Variants in YAP1 observed in about 807,000 individuals in gnomAD.
YAP1 encodes the protein transcriptional coactivator YAP1.
Under a neutral mutation model 56.9 loss-of-function variants are expected in YAP1, and 5 were observed. The observed-to-expected ratio is 0.09, with a 90% CI of 0.05 to 0.18. YAP1 has a LOEUF of 0.18. YAP1 is among the 10% of genes least tolerant of loss of function. YAP1 has a pLI of 1.00. For synonymous variants in YAP1, 265 were observed against 248.1 expected, an observed-to-expected ratio of 1.07 and a Z score of -0.64; for missense variants, 539 against 651.8, an observed-to-expected ratio of 0.83 and a Z score of 1.88.
intron 3 of YAP1, among the ~76,000 whole-genome samples, chr11:102,169,291 A>G (rs1946775401): frequency 6.6e-6 from 1 of 152,242 alleles, no homozygotes; most frequent in Non-Finnish European, 1.5e-5. Context: ...TTAGAATTTA[A>G]TCAGTTTGTA....
At chr11:102,152,943 C>T (rs1317489207) in intron 2 of YAP1, among the ~76,000 whole-genome samples, 4 of 152,126 alleles carry the variant, frequency 2.6e-5, no homozygotes, top group African/African-American at 7.2e-5. Context: ...CAAGAGCGGA[C>T]ATTTGAGCTG....
intron 2 of YAP1, among the ~76,000 whole-genome samples, chr11:102,156,096 G>T (rs112346525): frequency 2.8e-4 from 43 of 152,064 alleles, no homozygotes; most frequent in African/African-American, 9.9e-4. Flanking sequence ...AGATAATACT[G>T]CCAATGTCTG....
At chr11:102,172,827 A>C (rs1946995181) in intron 3 of YAP1, among the ~76,000 whole-genome samples, 1 of 152,122 alleles carries the variant, frequency 6.6e-6, no homozygotes, top group African/African-American at 2.4e-5. Flanking sequence ...TTGAGCAGAG[A>C]TCTGAATGAA....
At chr11:102,163,306 G>A (rs1198996975) in intron 3 of YAP1, among the ~76,000 whole-genome samples, 2 of 152,144 alleles carry the variant, frequency 1.3e-5, no homozygotes, top group African/African-American at 2.4e-5. Context: ...GAAGCCTCTA[G>A]TAATTACAGA....
intron 2 of YAP1, among the ~76,000 whole-genome samples, chr11:102,135,297 T>C (rs1245327518): frequency 6.6e-6 from 1 of 152,254 alleles, no homozygotes; most frequent in African/African-American, 2.4e-5. Flanking sequence ...ACTTACGGCT[T>C]AAAACAACCA....
At chr11:102,175,812 G>C (rs958819643) in intron 3 of YAP1, among the ~76,000 whole-genome samples, 1 of 152,152 alleles carries the variant, frequency 6.6e-6, no homozygotes, top group Non-Finnish European at 1.5e-5. Context: ...TGACAGCCAC[G>C]ACATCTCTAG....
chr11:102,170,884 G>A (rs1364412520), intron 3 of YAP1, among the ~76,000 whole-genome samples: 5 of 151,184 alleles, frequency 3.3e-5, no homozygotes, highest in Admixed American at 1.3e-4. Context: ...CAGGAGAATC[G>A]TTTGAACTCG....
At chr11:102,155,874 TTGG>T (rs1415202221) in intron 2 of YAP1, among the ~76,000 whole-genome samples, 3 of 152,192 alleles carry the variant, frequency 2.0e-5, no homozygotes, top group Non-Finnish European at 2.9e-5. Flanking sequence ...AGATCCTTAT[TTGG>T]AAGCCACTGG....
At chr11:102,152,025 A>C (rs939538998) in intron 2 of YAP1, among the ~76,000 whole-genome samples, 1 of 152,238 alleles carries the variant, frequency 6.6e-6, no homozygotes, top group African/African-American at 2.4e-5. Context: ...AAGAGGCTTC[A>C]GTGTAACTGC....
At chr11:102,114,930 C>G (rs1943185202) in intron 2 of YAP1, among the ~76,000 whole-genome samples, 1 of 152,126 alleles carries the variant, frequency 6.6e-6, no homozygotes, top group South Asian at 2.1e-4. Context: ...AATATTTCCC[C>G]CCAAAAATGT....
chr11:102,197,507 G>A (rs1399771266), intron 4 of YAP1, among the ~76,000 whole-genome samples: 2 of 135,812 alleles, frequency 1.5e-5, no homozygotes, highest in African/African-American at 5.1e-5. Context: ...ATGAAACTTG[G>A]GGAAAAAAAA....
chr11:102,189,918 T>C (rs796783742), intron 4 of YAP1, among the ~76,000 whole-genome samples: 4 of 152,356 alleles, frequency 2.6e-5, no homozygotes, highest in African/African-American at 7.2e-5. Context: ...TAACATTTTT[T>C]CTTTTTTAAG....
chr11:102,209,569 G>A lies in YAP1; in HGVS notation c.1032+5G>A, dbSNP rs1444919817. Reference sequence around the variant, plus strand: ...GCAAATTCTCCAAAATGTCAGGTAGGCTCTTATCTGATGTTTTAGCACTGG... The same window carrying A: ...GCAAATTCTCCAAAATGTCAGGTAGACTCTTATCTGATGTTTTAGCACTGG... On this transcript the variant is annotated splice_donor_5th_base_variant and intron_variant, in intron 6 of 8. Coordinates refer to ENST00000282441, the MANE Select transcript of YAP1 (RefSeq NM_001130145.3). 1 of 1,581,604 alleles carries A rather than the reference G, an allele frequency of 6.3e-7. No homozygotes were observed.
chr11:102,171,954 C>G (rs1184325257), intron 3 of YAP1, among the ~76,000 whole-genome samples: 1 of 151,980 alleles, frequency 6.6e-6, no homozygotes, highest in Admixed American at 6.6e-5. Context: ...CTTTGGGAGG[C>G]CGAGGCAGGT....
At position 102,211,264 on chromosome 11, in the gene YAP1, T is replaced by C. The variant is rs148378547; in HGVS notation, c.1032+1700T>C. Among the ~76,000 whole-genome samples, 106 of 152,288 alleles carry C rather than the reference T, an allele frequency of 7.0e-4. 1 individual carries two copies. Among genetic ancestry groups the C allele is most frequent in the African/African-American group, 2.3e-3 (96 of 41,576 alleles). The stretch of plus-strand genomic sequence containing the variant: ...TCTTGATCTTTGTTTCATACTTGAA[T>C]AGAAAAGTAAATCTTTACTGTTATT... On this transcript the variant is annotated intron_variant, in intron 6 of 8. Transcript: ENST00000282441.
intron 2 of YAP1, among the ~76,000 whole-genome samples, chr11:102,138,801 G>T (rs890314975): frequency 1.3e-5 from 2 of 152,148 alleles, no homozygotes; most frequent in Non-Finnish European, 2.9e-5. Context: ...GTGTATGTGG[G>T]TATCTATATA....
chr11:102,181,086 G>T (rs1947585106), intron 3 of YAP1, among the ~76,000 whole-genome samples: 4 of 151,876 alleles, frequency 2.6e-5, no homozygotes. Flanking sequence ...GTCCAAGGCT[G>T]CAGTGAGCCG....
chr11:102,145,595 A>G (rs1434756818), intron 2 of YAP1, among the ~76,000 whole-genome samples: 1 of 152,194 alleles, frequency 6.6e-6, no homozygotes, highest in African/African-American at 2.4e-5. Context: ...TAAATATTGA[A>G]CTGAGAAAAA....
chr11:102,174,211 G>A (rs994608475), intron 3 of YAP1, among the ~76,000 whole-genome samples: 7 of 152,088 alleles, frequency 4.6e-5, no homozygotes, highest in African/African-American at 1.7e-4. Context: ...CCTTTACTGA[G>A]TACCTAAATA....
Sources: allele counts gnomAD v4.1 joint callset (sites outside exome capture counted in the v4.1 genomes callset), GRCh38; gene constraint gnomAD v4.1.1; transcripts MANE v1.5; gene names NCBI Gene and HGNC (gene_info 2026-07-23, HGNC 2026-07-21).